The following USH2A variants were observed in gnomAD, a reference collection of about 807,000 sequenced individuals.
The protein encoded by USH2A is Usher syndrome 2A (autosomal recessive, mild).
USH2A carries 443 observed loss-of-function variants against 538.9 expected under a neutral mutation model. The observed-to-expected ratio is 0.82, with a 90% CI of 0.76 to 0.89. The LOEUF is 0.89. Among genes scored for constraint, USH2A ranks in the 40% least tolerant of loss-of-function variants. USH2A has a pLI of 0.00. For missense variants in USH2A, 6,633 were observed against 6,324.8 expected, an observed-to-expected ratio of 1.05 and a Z score of -1.65; for synonymous variants, 2,413 against 2,273.5, an observed-to-expected ratio of 1.06 and a Z score of -1.75.
chr1:216,261,083 C>A (rs949261363), intron 11 of USH2A, among the ~76,000 whole-genome samples: 4 of 151,624 alleles, frequency 2.6e-5, no homozygotes, highest in Non-Finnish European at 5.9e-5. Flanking sequence ...ATCAAATGTG[C>A]AAAATATACA....
intron 14 of USH2A, among the ~76,000 whole-genome samples, chr1:216,220,581 G>C (rs982749657): frequency 6.6e-6 from 1 of 150,988 alleles, no homozygotes; most frequent in African/African-American, 2.4e-5. Context: ...CAGGGAAGTC[G>C]GGGAGGGGCA....
chr1:215,889,138 C>G, intron 40 of USH2A, 84 bp from the exon 41 acceptor site: 1 of 1,492,640 alleles, frequency 6.7e-7, no homozygotes. Flanking sequence ...GATAGCTCTG[C>G]TACAAGGATA....
At chr1:216,284,116 T>A (rs948706938) in intron 11 of USH2A, among the ~76,000 whole-genome samples, 1 of 152,158 alleles carries the variant, frequency 6.6e-6, no homozygotes, top group East Asian at 1.9e-4. Flanking sequence ...TATACACACA[T>A]ATATGTACAT....
intron 32 of USH2A, among the ~76,000 whole-genome samples, chr1:216,043,672 T>C (rs919689520): frequency 3.3e-5 from 5 of 152,064 alleles, no homozygotes; most frequent in East Asian, 3.9e-4. Flanking sequence ...CAGAATTCAG[T>C]GTCATTTTGC....
intron 60 of USH2A, among the ~76,000 whole-genome samples, chr1:215,739,173 CA>C (rs1472733795): frequency 3.3e-5 from 5 of 152,156 alleles, no homozygotes; most frequent in Non-Finnish European, 7.4e-5. Context: ...TCAGAGGTAT[CA>C]AACAGGCTAC....
intron 19 of USH2A, among the ~76,000 whole-genome samples, chr1:216,193,892 A>T (rs183019502): frequency 6.6e-6 from 1 of 152,194 alleles, no homozygotes; most frequent in East Asian, 1.9e-4. Flanking sequence ...CTAGGGTACA[A>T]AGGTCTGACT....
chr1:215,730,564 G>A (rs1196326316), intron 60 of USH2A, among the ~76,000 whole-genome samples: 1 of 152,146 alleles, frequency 6.6e-6, no homozygotes, highest in African/African-American at 2.4e-5. Context: ...TTCACATGCT[G>A]CCATATCAGA....
intron 9 of USH2A, among the ~76,000 whole-genome samples, chr1:216,307,211 G>A (rs115394844): frequency 0.015 from 2,319 of 152,178 alleles, 57 homozygotes; most frequent in African/African-American, 0.053. Flanking sequence ...GTGTGTCTGA[G>A]CTTAGACTCT....
At chr1:215,795,950 A>G (rs970219347) in intron 50 of USH2A, among the ~76,000 whole-genome samples, 1 of 152,208 alleles carries the variant, frequency 6.6e-6, no homozygotes, top group Non-Finnish European at 1.5e-5. Context: ...ATATTTATTA[A>G]TGCATTTAGA....
intron 61 of USH2A, among the ~76,000 whole-genome samples, chr1:215,692,270 T>C (rs999230405): frequency 2.0e-5 from 3 of 152,074 alleles, no homozygotes; most frequent in Non-Finnish European, 2.9e-5. Context: ...TAGTAATATA[T>C]TCTTTTGAGA....
intron 9 of USH2A, among the ~76,000 whole-genome samples, chr1:216,314,863 T>A (rs928900584): frequency 6.6e-6 from 1 of 152,214 alleles, no homozygotes; most frequent in African/African-American, 2.4e-5. Flanking sequence ...AAGGCTTGGC[T>A]ACCCTTGCAG....
At chr1:215,695,465 C>T (rs1257072481) in intron 61 of USH2A, among the ~76,000 whole-genome samples, 1 of 151,786 alleles carries the variant, frequency 6.6e-6, no homozygotes, top group East Asian at 1.9e-4. Flanking sequence ...TAGGATCATA[C>T]AAAAATCAAT....
chr1:215,779,777 G>T, intron 55 of USH2A, 66 bp downstream of exon 55: 1 of 1,583,354 alleles, frequency 6.3e-7, no homozygotes, highest in East Asian at 2.2e-5. Context: ...CCCCTGGGAT[G>T]CTTTGCCCCC....
At chr1:216,353,423 T>C (rs183324307) in intron 4 of USH2A, among the ~76,000 whole-genome samples, 1 of 151,874 alleles carries the variant, frequency 6.6e-6, no homozygotes, top group Non-Finnish European at 1.5e-5. Flanking sequence ...AAAAACATGT[T>C]TCAGTTTTAA....
intron 61 of USH2A, among the ~76,000 whole-genome samples, chr1:215,686,015 G>GT (rs1322736919): frequency 1.3e-5 from 2 of 152,144 alleles, no homozygotes; most frequent in Admixed American, 1.3e-4. Context: ...GTTTTAGTGT[G>GT]TATGTGCTAG....
intron 44 of USH2A, among the ~76,000 whole-genome samples, chr1:215,856,835 GTGTGTGTGTGT>G (rs1664183481): frequency 2.1e-4 from 9 of 43,768 alleles, no homozygotes; most frequent in Non-Finnish European, 2.8e-4. Context: ...AAAATTTGGT[GTGTGTGTGTGT>G]GTGTGTGTGT....
rs2102763500 is a variant in USH2A, at chr1:215,782,817, C to T, written c.10506G>A (p.Val3502=). 6.2e-7 allele frequency: 1 copy of T among 1,613,982 alleles called. No individual in the cohort carries two copies. The highest frequency in any genetic ancestry group is 8.5e-7 in the Non-Finnish European group (1 of 1,179,924). Residue 3502 remains valine, a synonymous_variant, in exon 53 of 72, where the codon GTG becomes GTA. Coordinates refer to ENST00000307340, the MANE Select transcript of USH2A (RefSeq NM_206933.4). ...CTATTTTGGTCCACGTAGGGGGACTCACTCCTTGAGGCACATCTTCTTTTG... is the reference window on the plus strand; with the variant it reads ...CTATTTTGGTCCACGTAGGGGGACTTACTCCTTGAGGCACATCTTCTTTTG... ...ARTKEDVPQG[V]SPPTWTKIDN... is the part of the protein sequence containing the mutation.
intron 38 of USH2A, among the ~76,000 whole-genome samples, chr1:215,923,754 G>C (rs1283700425): frequency 6.6e-6 from 1 of 152,012 alleles, no homozygotes; most frequent in East Asian, 1.9e-4. Flanking sequence ...GAGCATGATA[G>C]TAATCATTAC....
chr1:215,710,422 C>A (rs1400532759), intron 61 of USH2A, among the ~76,000 whole-genome samples: 1 of 152,180 alleles, frequency 6.6e-6, no homozygotes, highest in African/African-American at 2.4e-5. Flanking sequence ...GCTACTTCCA[C>A]ACTTGCAATC....
Sources: allele counts gnomAD v4.1 joint callset (sites outside exome capture counted in the v4.1 genomes callset), GRCh38; gene constraint gnomAD v4.1.1; transcripts MANE v1.5; gene names NCBI Gene and HGNC (gene_info 2026-07-23, HGNC 2026-07-21).